The following EBF1 variants were observed in gnomAD, a reference collection of about 807,000 sequenced individuals.
EBF1 encodes the protein transcription factor COE1.
EBF1 carries 10 observed loss-of-function variants against 68.4 expected under a neutral mutation model. The ratio of observed to expected loss-of-function variants is 0.15; its 90% confidence interval spans 0.09 to 0.25. The LOEUF (loss-of-function observed/expected upper bound fraction) is 0.25, where lower values mean the gene tolerates loss of function less well. Among genes scored for constraint, EBF1 ranks in the 10% least tolerant of loss-of-function variants. The pLI, the probability that EBF1 is intolerant of heterozygous loss-of-function variation, is 1.00. For synonymous variants in EBF1, 298 were observed against 299.8 expected (o/e 0.99, Z 0.06); for missense variants, 509 against 794.4 (o/e 0.64, Z 4.32).
At chr5:158,818,813 A>G (rs1442785200) in intron 8 of EBF1, among the ~76,000 whole-genome samples, 2 of 152,198 alleles carry the variant, frequency 1.3e-5, no homozygotes, top group African/African-American at 4.8e-5. Flanking sequence ...AAAAATAAGT[A>G]GGACCCCAGG....
chr5:158,933,958 CTT>C (rs1278471187), intron 6 of EBF1, among the ~76,000 whole-genome samples: 2 of 152,210 alleles, frequency 1.3e-5, no homozygotes, highest in East Asian at 3.8e-4. Flanking sequence ...TTTAATGACT[CTT>C]TTTTGTATTT....
chr5:158,698,030 T>TG lies in EBF1; in HGVS notation c.*1080dup, dbSNP rs1267742313. The TG allele has an allele frequency of 4.7e-6, 1 of 214,384 alleles. No individual in the cohort carries two copies. The highest frequency in any genetic ancestry group is 2.3e-5 in the African/African-American group (1 of 44,258). 13.3% of individuals were successfully genotyped at this position (214,384 alleles called of 1,614,324 possible). A position where few individuals can be genotyped will look rare whatever the true frequency, so the allele number is the denominator to read the frequency against. On this transcript the variant is annotated 3_prime_UTR_variant, in exon 16 of 16. Coordinates refer to ENST00000313708, the MANE Select transcript of EBF1 (RefSeq NM_024007.5). Reference sequence around the variant, plus strand: ...TTGTTTCAATCTATTATGTTACAAATGGTAAGGGTCGACTGATAGAGGCAG... The same window carrying TG: ...TTGTTTCAATCTATTATGTTACAAATGGGTAAGGGTCGACTGATAGAGGCAG...
At chr5:159,087,293 C>CACAT (rs1780828888) in intron 4 of EBF1, among the ~76,000 whole-genome samples, 1 of 139,226 alleles carries the variant, frequency 7.2e-6, no homozygotes, top group Non-Finnish European at 1.5e-5. Flanking sequence ...TATATATACA[C>CACAT]ATATATATAT....
intron 6 of EBF1, among the ~76,000 whole-genome samples, chr5:159,030,766 C>T (rs1768635858): frequency 6.6e-6 from 1 of 152,144 alleles, no homozygotes; most frequent in Admixed American, 6.5e-5. Flanking sequence ...CCAAATAAGT[C>T]AAAGCAAGAG....
chr5:159,083,261 A>T (rs1780041435), intron 5 of EBF1, among the ~76,000 whole-genome samples: 1 of 152,208 alleles, frequency 6.6e-6, no homozygotes, highest in South Asian at 2.1e-4. Flanking sequence ...ATGTTTTAAC[A>T]TTTTCTAAAA....
chr5:158,871,785 G>T (rs1414936898), intron 6 of EBF1, among the ~76,000 whole-genome samples: 2 of 152,120 alleles, frequency 1.3e-5, no homozygotes, highest in African/African-American at 4.8e-5. Flanking sequence ...GCAGAGTTGG[G>T]GCCACAACCT....
At chr5:159,065,342 C>T (rs886437256) in intron 6 of EBF1, among the ~76,000 whole-genome samples, 3 of 152,152 alleles carry the variant, frequency 2.0e-5, no homozygotes, top group South Asian at 2.1e-4. Flanking sequence ...GTCTAAGTCG[C>T]GTGCACCACC....
intron 4 of EBF1, among the ~76,000 whole-genome samples, chr5:159,091,004 C>T (rs1781523966): frequency 6.6e-6 from 1 of 152,138 alleles, no homozygotes. Flanking sequence ...AAAACCAGAT[C>T]ATTCTTGCTC....
At chr5:158,949,172 C>T (rs531575257) in intron 6 of EBF1, among the ~76,000 whole-genome samples, 4 of 152,260 alleles carry the variant, frequency 2.6e-5, no homozygotes, top group East Asian at 1.9e-4. Context: ...CTATATAATT[C>T]CCCAACTTAT....
chr5:159,084,570 CCA>C, intron 5 of EBF1, 94 bp downstream of exon 5: 1 of 934,588 alleles, frequency 1.1e-6, no homozygotes, highest in Non-Finnish European at 1.5e-6. Context: ...CAAATGTGTA[CCA>C]AAAAAAAAAA....
intron 6 of EBF1, among the ~76,000 whole-genome samples, chr5:158,969,904 GAAAGAAAGAAAGA>G (rs1342563950): frequency 1.0e-3 from 109 of 105,638 alleles, no homozygotes; most frequent in Middle Eastern, 4.8e-3. Flanking sequence ...AAGAAAGAAA[GAAAGAAAGAAAGA>G]AAAAAAAAAA....
At chr5:158,994,336 C>CA (rs1333844419) in intron 6 of EBF1, among the ~76,000 whole-genome samples, 2 of 152,218 alleles carry the variant, frequency 1.3e-5, no homozygotes, top group Non-Finnish European at 2.9e-5. Context: ...TGTACAGTGG[C>CA]TTTGCCCAAA....
At chr5:158,795,371 T>C (rs1023120581) in intron 9 of EBF1, among the ~76,000 whole-genome samples, 4 of 152,166 alleles carry the variant, frequency 2.6e-5, no homozygotes, top group East Asian at 1.9e-4. Context: ...AAAAGAAATA[T>C]GCTACGAGTA....
At chr5:159,025,468 G>C (rs757603258) in intron 6 of EBF1, among the ~76,000 whole-genome samples, 2 of 152,178 alleles carry the variant, frequency 1.3e-5, no homozygotes, top group Admixed American at 6.5e-5. Flanking sequence ...TTCCCGCACT[G>C]TGTATACATG....
At position 158,709,820 on chromosome 5, in the gene EBF1, T is replaced by TG. The variant is rs575307291; in HGVS notation, c.1550-1648dup. 2.6e-4 allele frequency among the ~76,000 whole-genome samples: 39 copies of TG among 152,264 alleles called. 1 individual carries two copies. The highest frequency in any genetic ancestry group is 4.3e-4 in the Non-Finnish European group (29 of 68,046). ...ACACCCATTTAAATTGCAAAACTCCTGCACTGGAGGTTTGATTTTTAAATA... is the reference window on the plus strand; with the variant it reads ...ACACCCATTTAAATTGCAAAACTCCTGGCACTGGAGGTTTGATTTTTAAATA... On this transcript the variant is annotated intron_variant, in intron 14 of 15. Transcript: ENST00000313708.
At chr5:159,031,314 G>C (rs1487009332) in intron 6 of EBF1, among the ~76,000 whole-genome samples, 1 of 152,212 alleles carries the variant, frequency 6.6e-6, no homozygotes, top group African/African-American at 2.4e-5. Context: ...CCTGTATGTG[G>C]AATTCTTTAA....
chr5:158,892,466 A>T (rs1801370697), intron 6 of EBF1, among the ~76,000 whole-genome samples: 1 of 152,120 alleles, frequency 6.6e-6, no homozygotes, highest in African/African-American at 2.4e-5. Context: ...TCCATCCTGG[A>T]TGACGAAACA....
At chr5:159,033,400 GA>G (rs1435285518) in intron 6 of EBF1, among the ~76,000 whole-genome samples, 3 of 152,138 alleles carry the variant, frequency 2.0e-5, no homozygotes, top group East Asian at 3.9e-4. Flanking sequence ...GAAGAGAGGG[GA>G]AAAAAAGCTT....
chr5:158,744,416 C>T (rs1412222565), intron 10 of EBF1, among the ~76,000 whole-genome samples: 1 of 151,938 alleles, frequency 6.6e-6, no homozygotes, highest in Non-Finnish European at 1.5e-5. Flanking sequence ...TTATCAACAC[C>T]ATCTAGTGCA....
Sources: gnomAD v4.1 joint callset for allele counts (sites outside exome capture counted in the v4.1 genomes callset) on GRCh38, gnomAD v4.1.1 for gene constraint, MANE v1.5 for transcripts, NCBI Gene and HGNC (gene_info 2026-07-23, HGNC 2026-07-21) for gene names.